Variants in PTPRN2 observed in about 807,000 individuals in gnomAD.
PTPRN2 encodes the protein receptor-type tyrosine-protein phosphatase N2.
A neutral mutation model predicts 118.8 loss-of-function variants in PTPRN2; 74 were observed. The ratio of observed to expected loss-of-function variants is 0.62; its 90% CI spans 0.52 to 0.76. The LOEUF is 0.76. Among genes scored for constraint, PTPRN2 ranks in the 30% least tolerant of loss-of-function variants. PTPRN2 has a pLI of 0.00. For synonymous variants in PTPRN2, 641 were observed against 608.0 expected (o/e 1.05, Z -0.80); for missense variants, 1,481 against 1,394.4 (o/e 1.06, Z -0.99).
rs1815476885 is a variant in PTPRN2, at chr7:158,423,932, A to G, written c.163+65803T>C. On this transcript the variant is annotated intron_variant, in intron 2 of 22. Transcript: ENST00000389418. Reference sequence around the variant, plus strand: ...CTGCTGTGGTCTGTAGTTTGCATGTATCATTTCCTTTAATCCTCACAACTC... The same window carrying G: ...CTGCTGTGGTCTGTAGTTTGCATGTGTCATTTCCTTTAATCCTCACAACTC... 3.3e-5 allele frequency among the ~76,000 whole-genome samples: 5 copies of G among 152,216 alleles called. No homozygotes were observed. The South Asian group carries it at 1.0e-3, about 32-fold the overall frequency.
chr7:158,495,916 A>G (rs1193004845), intron 1 of PTPRN2, among the ~76,000 whole-genome samples: 1 of 152,014 alleles, frequency 6.6e-6, no homozygotes, highest in Admixed American at 6.5e-5. Context: ...GAAGAGGGAG[A>G]GAGGGAGGAG....
intron 14 of PTPRN2, among the ~76,000 whole-genome samples, chr7:157,636,997 A>T (rs1270473295): frequency 6.6e-6 from 1 of 152,236 alleles, no homozygotes. Flanking sequence ...GGAAAAAACT[A>T]TATTTCTGTT....
rs1361288025 is a variant in PTPRN2, at chr7:157,987,472, T to C, written c.1724-88735A>G. Among the ~76,000 whole-genome samples, 1 of 151,990 alleles carries C rather than the reference T, an allele frequency of 6.6e-6. No homozygotes were observed. The highest frequency in any genetic ancestry group is 1.5e-5 in the Non-Finnish European group (1 of 67,992). ...TCATTAATGGGGGCGTAGTGTCCGG[T>C]CACTAATAGGGTGTGATGACCTGTC... On this transcript the variant is annotated intron_variant, in intron 11 of 22. Coordinates refer to ENST00000389418, the MANE Select transcript of PTPRN2 (RefSeq NM_002847.5). The surrounding 1 kb of genome is among the most constrained non-coding windows in gnomAD (Gnocchi z 4.3).
chr7:158,534,203 A>G (rs1280095984), intron 1 of PTPRN2, among the ~76,000 whole-genome samples: 1 of 92,956 alleles, frequency 1.1e-5, no homozygotes. Context: ...GCAGGTTGTG[A>G]CCACCCACCC....
intron 21 of PTPRN2, among the ~76,000 whole-genome samples, chr7:157,553,911 C>A (rs529672202): frequency 2.0e-5 from 3 of 152,110 alleles, no homozygotes; most frequent in Non-Finnish European, 4.4e-5. Context: ...TAGCCAGGCT[C>A]AGGCTGGGCG....
intron 12 of PTPRN2, among the ~76,000 whole-genome samples, chr7:157,843,532 C>T (rs1808583366): frequency 1.3e-5 from 2 of 152,176 alleles, no homozygotes; most frequent in Admixed American, 1.3e-4. Flanking sequence ...TCAAGAGGTC[C>T]CCTCCTTCCA....
intron 12 of PTPRN2, among the ~76,000 whole-genome samples, chr7:157,693,170 G>A (rs909975663): frequency 6.6e-6 from 1 of 152,042 alleles, no homozygotes; most frequent in Non-Finnish European, 1.5e-5. Context: ...AGGGGAGGGG[G>A]CTCGGAGGAG....
intron 2 of PTPRN2, among the ~76,000 whole-genome samples, chr7:158,423,163 G>A (rs149755323): frequency 1.4e-4 from 22 of 152,342 alleles, no homozygotes; most frequent in African/African-American, 5.1e-4. Context: ...GCCTTGATCC[G>A]TGAATAAACT....
intron 2 of PTPRN2, among the ~76,000 whole-genome samples, chr7:158,430,226 A>G (rs905792683): frequency 2.6e-5 from 4 of 152,308 alleles, no homozygotes; most frequent in Non-Finnish European, 2.9e-5. Context: ...GTTTTCTTAA[A>G]CAACAATGCT....
At chr7:158,207,488 A>G (rs1827249431) in intron 3 of PTPRN2, among the ~76,000 whole-genome samples, 1 of 152,146 alleles carries the variant, frequency 6.6e-6, no homozygotes. Flanking sequence ...ACAGCAAAAG[A>G]AACTACCATC....
chr7:158,167,980 C>T (rs1327588025), intron 5 of PTPRN2, among the ~76,000 whole-genome samples: 2 of 152,168 alleles, frequency 1.3e-5, no homozygotes, highest in African/African-American at 4.8e-5. Flanking sequence ...ATTTATGAGT[C>T]TGTGTATCAA....
At chr7:157,762,600 G>C (rs1466672193) in intron 12 of PTPRN2, among the ~76,000 whole-genome samples, 6 of 122,962 alleles carry the variant, frequency 4.9e-5, no homozygotes, top group East Asian at 2.8e-4. Flanking sequence ...GTTGTGGGGT[G>C]GGGGGAGGGG....
chr7:157,936,905 G>GC (rs999737408), intron 11 of PTPRN2, among the ~76,000 whole-genome samples: 35 of 152,218 alleles, frequency 2.3e-4, no homozygotes, highest in Admixed American at 7.8e-4. Context: ...TTCCGCCATG[G>GC]CCAGTCATGG....
At chr7:157,770,701 G>T (rs1802748412) in intron 12 of PTPRN2, among the ~76,000 whole-genome samples, 1 of 152,236 alleles carries the variant, frequency 6.6e-6, no homozygotes, top group African/African-American at 2.4e-5. Context: ...AGCTCGGGTA[G>T]ACGGACATCC....
intron 3 of PTPRN2, among the ~76,000 whole-genome samples, chr7:158,273,440 A>G (rs1798654004): frequency 6.8e-6 from 1 of 146,544 alleles, no homozygotes; most frequent in Admixed American, 6.7e-5. Flanking sequence ...CCGCAGACAG[A>G]CGCGGGAGGA....
intron 13 of PTPRN2, among the ~76,000 whole-genome samples, chr7:157,662,755 G>A (rs963825536): frequency 5.9e-5 from 9 of 152,164 alleles, no homozygotes; most frequent in Non-Finnish European, 1.0e-4. Flanking sequence ...CGGGCACAGC[G>A]CTCTGCATCC....
chr7:157,557,732 T>C (rs536652349), intron 21 of PTPRN2, among the ~76,000 whole-genome samples: 1 of 152,284 alleles, frequency 6.6e-6, no homozygotes, highest in South Asian at 2.1e-4. Context: ...AGGAGGCAAA[T>C]CTGCATCTTA....
intron 2 of PTPRN2, among the ~76,000 whole-genome samples, chr7:158,472,034 G>A (rs543684323): frequency 1.2e-4 from 18 of 152,292 alleles, no homozygotes; most frequent in African/African-American, 3.9e-4. Context: ...GCCCCACCAC[G>A]GTTCCATTCC....
chr7:157,855,902 A>G (rs1809678314), intron 12 of PTPRN2: 1 of 152,204 alleles, frequency 6.6e-6, no homozygotes, highest in Non-Finnish European at 1.5e-5. Context: ...TTTTTCTGAT[A>G]CTGAGTTGAT....
Sources: allele counts gnomAD v4.1 joint callset (sites outside exome capture counted in the v4.1 genomes callset), GRCh38; gene constraint gnomAD v4.1.1; non-coding constraint Gnocchi (gnomAD v3.1); transcripts MANE v1.5; gene names NCBI Gene and HGNC (gene_info 2026-07-23, HGNC 2026-07-21).